Variants in DIAPH3 observed in about 807,000 individuals in gnomAD.
DIAPH3 encodes the protein protein diaphanous homolog 3.
Under a neutral mutation model 144.3 loss-of-function variants are expected in DIAPH3, and 117 were observed. The observed-to-expected ratio is 0.81, with a 90% confidence interval of 0.70 to 0.95. The LOEUF is 0.95. Among genes scored for constraint, DIAPH3 ranks in the 40% least tolerant of loss-of-function variants. The probability of loss-of-function intolerance (pLI) is 0.00; values close to 1 mark genes in which losing one functional copy is unlikely to be tolerated. For synonymous variants in DIAPH3, 519 were observed against 488.9 expected (o/e 1.06, Z -0.81); for missense variants, 1,421 against 1,412.7 (o/e 1.01, Z -0.09).
chr13:59,851,551 A>T (rs1039724174), intron 22 of DIAPH3, among the ~76,000 whole-genome samples: 3 of 151,746 alleles, frequency 2.0e-5, no homozygotes, highest in Admixed American at 2.0e-4. Context: ...AAGAAAGCAG[A>T]GGCTTTTGTT....
chr13:60,096,081 T>A (rs1446631629), intron 3 of DIAPH3, among the ~76,000 whole-genome samples: 1 of 152,218 alleles, frequency 6.6e-6, no homozygotes, highest in Non-Finnish European at 1.5e-5. Context: ...ACATATTGAT[T>A]TTCTTAATTT....
intron 25 of DIAPH3, among the ~76,000 whole-genome samples, chr13:59,806,512 T>C (rs914228061): frequency 3.3e-5 from 5 of 151,284 alleles, no homozygotes; most frequent in African/African-American, 1.2e-4. Flanking sequence ...TACATACTAA[T>C]AGTCTCCTTA....
intron 27 of DIAPH3, chr13:59,695,526 A>G (rs1036638889): frequency 2.0e-5 from 3 of 152,200 alleles, no homozygotes; most frequent in Non-Finnish European, 4.4e-5. Flanking sequence ...CACTAGACAA[A>G]TATTAGTTCT....
At chr13:59,753,514 GAGATAGAAAAGC>G (rs1360046751) in intron 27 of DIAPH3, among the ~76,000 whole-genome samples, 1 of 152,176 alleles carries the variant, frequency 6.6e-6, no homozygotes, top group Non-Finnish European at 1.5e-5. Context: ...TGAGATTTTT[GAGATAGAAAAGC>G]AGATATCCTC....
At chr13:60,138,485 A>T (rs1294445077) in intron 1 of DIAPH3, among the ~76,000 whole-genome samples, 1 of 152,228 alleles carries the variant, frequency 6.6e-6, no homozygotes, top group Non-Finnish European at 1.5e-5. Flanking sequence ...AGAAGTGAAA[A>T]CAGAGAGCTG....
chr13:60,001,576 T>A (rs2052531434), intron 9 of DIAPH3, among the ~76,000 whole-genome samples: 1 of 152,204 alleles, frequency 6.6e-6, no homozygotes, highest in South Asian at 2.1e-4. Context: ...ACTAATAAAG[T>A]TCCTATTTGG....
chr13:60,116,512 T>A (rs938026699), intron 2 of DIAPH3, among the ~76,000 whole-genome samples: 1 of 152,034 alleles, frequency 6.6e-6, no homozygotes, highest in Non-Finnish European at 1.5e-5. Context: ...AGTCACTACT[T>A]CATTGCCATC....
chr13:60,073,485 T>A (rs2141362694), intron 4 of DIAPH3, among the ~76,000 whole-genome samples: 1 of 152,296 alleles, frequency 6.6e-6, no homozygotes, highest in Non-Finnish European at 1.5e-5. Flanking sequence ...AGCAATCCGT[T>A]TATGTAACAT....
chr13:60,024,145 G>A (rs775612089), intron 5 of DIAPH3, among the ~76,000 whole-genome samples: 14 of 152,188 alleles, frequency 9.2e-5, no homozygotes, highest in South Asian at 4.2e-4. Flanking sequence ...ATGAGCCACC[G>A]TGCCCACCCT....
intron 20 of DIAPH3, among the ~76,000 whole-genome samples, chr13:59,911,098 A>G (rs1428214409): frequency 6.6e-6 from 1 of 152,116 alleles, no homozygotes; most frequent in Non-Finnish European, 1.5e-5. Context: ...AGTGTAACCG[A>G]CCTAAAAATA....
intron 3 of DIAPH3, among the ~76,000 whole-genome samples, chr13:60,099,777 A>T (rs889776116): frequency 6.6e-6 from 1 of 152,154 alleles, no homozygotes; most frequent in African/African-American, 2.4e-5. Flanking sequence ...TCTGACTAGC[A>T]CTAGGAACAG....
intron 4 of DIAPH3, among the ~76,000 whole-genome samples, chr13:60,088,047 T>C (rs1235564345): frequency 6.6e-6 from 1 of 152,102 alleles, no homozygotes; most frequent in Non-Finnish European, 1.5e-5. Flanking sequence ...TATCTAAACC[T>C]AATGGTACAG....
chr13:60,124,461 T>C (rs1053977975), intron 2 of DIAPH3, among the ~76,000 whole-genome samples: 4 of 152,228 alleles, frequency 2.6e-5, no homozygotes, highest in Non-Finnish European at 5.9e-5. Flanking sequence ...TGGGGTGGAT[T>C]TTTTTCAGTT....
intron 4 of DIAPH3, among the ~76,000 whole-genome samples, chr13:60,047,859 C>G (rs138263650): frequency 6.6e-6 from 1 of 152,116 alleles, no homozygotes; most frequent in African/African-American, 2.4e-5. Context: ...ATTTGCAATA[C>G]AGTTAAGAAC....
intron 3 of DIAPH3, among the ~76,000 whole-genome samples, chr13:60,106,269 A>G (rs998446613): frequency 6.6e-6 from 1 of 152,172 alleles, no homozygotes; most frequent in Non-Finnish European, 1.5e-5. Context: ...AAACCTCAGA[A>G]ACAAACCCAC....
intron 27 of DIAPH3, among the ~76,000 whole-genome samples, chr13:59,757,392 C>CTTT (rs558678599): frequency 0.021 from 1,962 of 93,072 alleles, 203 homozygotes; most frequent in African/African-American, 0.028. Context: ...ATGGGTCATC[C>CTTT]TTTTTTTTTT....
At chr13:59,785,674 C>T (rs1033357019) in intron 25 of DIAPH3, among the ~76,000 whole-genome samples, 2 of 152,090 alleles carry the variant, frequency 1.3e-5, no homozygotes, top group African/African-American at 4.8e-5. Context: ...GTCAATGCAA[C>T]ACATTCATTC....
chr13:59,810,762 T>C (rs750600838), intron 25 of DIAPH3, 26 bp downstream of exon 25: 1 of 1,609,742 alleles, frequency 6.2e-7, no homozygotes, highest in Non-Finnish European at 8.5e-7. Flanking sequence ...ATACATAGAA[T>C]AAATAACAAA....
intron 3 of DIAPH3, among the ~76,000 whole-genome samples, chr13:60,108,171 CAG>C (rs2058470377): frequency 6.6e-6 from 1 of 151,726 alleles, no homozygotes; most frequent in Non-Finnish European, 1.5e-5. Context: ...AATGGGAAGA[CAG>C]ATATCTAAAA....
Sources: gnomAD v4.1 joint callset for allele counts (sites outside exome capture counted in the v4.1 genomes callset) on GRCh38, gnomAD v4.1.1 for gene constraint, MANE v1.5 for transcripts, NCBI Gene and HGNC (gene_info 2026-07-23, HGNC 2026-07-21) for gene names.